TOX: variants seen among roughly 807,000 people sequenced by gnomAD.
TOX encodes thymocyte selection-associated high mobility group box protein TOX.
In TOX, 11 loss-of-function variants were observed where a neutral mutation model predicts 53.7. The ratio of observed to expected loss-of-function variants is 0.20; its 90% confidence interval spans 0.13 to 0.34. The LOEUF is 0.34. TOX is among the 10% of genes least tolerant of loss of function. TOX has a pLI of 1.00. For missense variants in TOX, 570 were observed against 664.6 expected (o/e 0.86, Z 1.56); for synonymous variants, 225 against 245.3 (o/e 0.92, Z 0.77).
chr8:58,908,717 A>G (rs1811861595), intron 3 of TOX, among the ~76,000 whole-genome samples: 1 of 152,184 alleles, frequency 6.6e-6, no homozygotes, highest in African/African-American at 2.4e-5. Context: ...ACAAGAGCCA[A>G]TGTCTAGCTT....
intron 2 of TOX, among the ~76,000 whole-genome samples, chr8:58,950,787 T>C (rs781622817): frequency 2.6e-5 from 4 of 152,050 alleles, no homozygotes; most frequent in African/African-American, 7.2e-5. Context: ...AGTCCTGGAC[T>C]TGGACAAGAA....
At chr8:59,041,073 C>T (rs796719216) in intron 1 of TOX, among the ~76,000 whole-genome samples, 8 of 143,816 alleles carry the variant, frequency 5.6e-5, no homozygotes, top group Non-Finnish European at 7.6e-5. Context: ...AAAGGGACTC[C>T]GTGTGTGTGT....
intron 1 of TOX, among the ~76,000 whole-genome samples, chr8:59,049,001 T>C (rs946661493): frequency 2.6e-4 from 40 of 152,152 alleles, no homozygotes; most frequent in Non-Finnish European, 5.7e-4. Context: ...AAATTAGTCA[T>C]GAGCTCTTTT....
chr8:59,077,574 C>G (rs1032818827), intron 1 of TOX, among the ~76,000 whole-genome samples: 1 of 152,086 alleles, frequency 6.6e-6, no homozygotes, highest in African/African-American at 2.4e-5. Flanking sequence ...ACATGCAGCC[C>G]CCTTCTGTTG....
At chr8:58,914,404 A>C (rs1421677409) in intron 3 of TOX, among the ~76,000 whole-genome samples, 5 of 152,184 alleles carry the variant, frequency 3.3e-5, no homozygotes, top group African/African-American at 4.8e-5. Context: ...TTTTAAGAGA[A>C]GGCCTGAAGA....
At chr8:58,968,975 T>C (rs953926634) in intron 1 of TOX, among the ~76,000 whole-genome samples, 1 of 152,100 alleles carries the variant, frequency 6.6e-6, no homozygotes, top group African/African-American at 2.4e-5. Context: ...AGATTAAAAG[T>C]GGTAGTATCA....
chr8:58,998,540 A>ATATATATAT (rs1813621315), intron 1 of TOX, among the ~76,000 whole-genome samples: 1 of 117,872 alleles, frequency 8.5e-6, no homozygotes, highest in Admixed American at 8.4e-5. Context: ...TATATATATA[A>ATATATATAT]ATTTATATAT....
chr8:58,854,584 G>A (rs1810881788), intron 3 of TOX, among the ~76,000 whole-genome samples: 1 of 152,032 alleles, frequency 6.6e-6, no homozygotes, highest in Non-Finnish European at 1.5e-5. Flanking sequence ...GGGTAAGGAT[G>A]GTGAAGTACT....
chr8:58,896,468 G>A (rs753245924), intron 3 of TOX, among the ~76,000 whole-genome samples: 10 of 152,108 alleles, frequency 6.6e-5, no homozygotes, highest in Non-Finnish European at 2.9e-5. Flanking sequence ...ATGAGGTCAG[G>A]AGACTGAGAC....
chr8:59,038,059 T>C (rs1803502349), intron 1 of TOX, among the ~76,000 whole-genome samples: 1 of 152,200 alleles, frequency 6.6e-6, no homozygotes, highest in African/African-American at 2.4e-5. Context: ...AAGAATTTCC[T>C]GACAGTGACA....
intron 1 of TOX, among the ~76,000 whole-genome samples, chr8:59,088,923 T>C (rs1804559529): frequency 1.3e-5 from 2 of 152,204 alleles, no homozygotes; most frequent in Admixed American, 6.5e-5. Context: ...CTAAAAATAA[T>C]ACTGATCTTC....
intron 1 of TOX, among the ~76,000 whole-genome samples, chr8:59,074,337 G>C (rs578041128): frequency 5.6e-4 from 86 of 152,242 alleles, no homozygotes; most frequent in African/African-American, 1.9e-3. Flanking sequence ...AATATTTGTA[G>C]AGCAGAGAAA....
At chr8:58,957,690 G>T (rs1363149998) in intron 2 of TOX, among the ~76,000 whole-genome samples, 1 of 152,212 alleles carries the variant, frequency 6.6e-6, no homozygotes, top group Admixed American at 6.5e-5. Flanking sequence ...AAGTCCCAAA[G>T]CATGTACTGA....
chr8:58,981,140 A>G lies in TOX; in HGVS notation c.103-21132T>C, dbSNP rs756361827. ...CCTGTAGGCACTGGTAGTAATGTGA[A>G]CTAGTTACCACATAGAACTGAACTC... On this transcript the variant is annotated intron_variant, in intron 1 of 8. Transcript: ENST00000361421. 2.0e-5 allele frequency among the ~76,000 whole-genome samples: 3 copies of G among 152,322 alleles called. No individual in the cohort carries two copies. The South Asian group carries it at 6.2e-4, about 32-fold the overall frequency.
At chr8:58,820,351 A>G (rs1810253589) in intron 6 of TOX, among the ~76,000 whole-genome samples, 1 of 152,186 alleles carries the variant, frequency 6.6e-6, no homozygotes, top group Admixed American at 6.5e-5. Context: ...GGTAGAAACA[A>G]AATCTTATAT....
chr8:58,972,802 TA>T (rs2129179828), intron 1 of TOX, among the ~76,000 whole-genome samples: 1 of 152,214 alleles, frequency 6.6e-6, no homozygotes, highest in East Asian at 1.9e-4. Context: ...ATATTTGCTA[TA>T]AAAAATTCTT....
intron 1 of TOX, among the ~76,000 whole-genome samples, chr8:59,061,139 A>C (rs1563433705): frequency 6.6e-6 from 1 of 152,242 alleles, no homozygotes; most frequent in Non-Finnish European, 1.5e-5. Context: ...AATGTAAAAC[A>C]GAAAATGAAA....
chr8:58,946,900 TATAAA>T (rs1407291064), intron 2 of TOX, among the ~76,000 whole-genome samples: 1 of 152,178 alleles, frequency 6.6e-6, no homozygotes, highest in Non-Finnish European at 1.5e-5. Flanking sequence ...CAGGCTTATT[TATAAA>T]ATTGCGTAAG....
At chr8:58,945,600 T>A (rs1407361503) in intron 2 of TOX, among the ~76,000 whole-genome samples, 1 of 152,220 alleles carries the variant, frequency 6.6e-6, no homozygotes, top group Non-Finnish European at 1.5e-5. Flanking sequence ...TGTTCCATGA[T>A]CTGAGTATCC....
Sources: gnomAD v4.1 joint callset for allele counts (sites outside exome capture counted in the v4.1 genomes callset) on GRCh38, gnomAD v4.1.1 for gene constraint, MANE v1.5 for transcripts, NCBI Gene and HGNC (gene_info 2026-07-23, HGNC 2026-07-21) for gene names.